KCNIP4: variants seen among roughly 807,000 people sequenced by gnomAD.
KCNIP4 encodes potassium voltage-gated channel interacting protein 4, also known as Kv channel-interacting protein 4.
In KCNIP4, 12 loss-of-function variants were observed where a neutral mutation model predicts 34.0. That is an observed-to-expected ratio of 0.35 (90% CI 0.23 to 0.57). The LOEUF (loss-of-function observed/expected upper bound fraction) is 0.57, where lower values mean the gene tolerates loss of function less well. Among genes scored for constraint, KCNIP4 ranks in the 20% least tolerant of loss-of-function variants. The pLI is 0.83. For synonymous variants in KCNIP4, 124 were observed against 102.2 expected, an observed-to-expected ratio of 1.21 and a Z score of -1.29; for missense variants, 238 against 311.7, an observed-to-expected ratio of 0.76 and a Z score of 1.78.
Position 21,527,346 on chromosome 4 carries a change from G to T in KCNIP4, c.61+421225C>A, listed in dbSNP as rs572024280. Among the ~76,000 whole-genome samples, 5 of 152,178 alleles carry T rather than the reference G, an allele frequency of 3.3e-5. No homozygotes were observed. In the South Asian group the frequency reaches 8.3e-4, roughly 25 times the overall value. ...TTAAAACAAGCAATAAGAAAAAGAT[G>T]AAAGAATCAACAATTCCTACCACAT... is the stretch of plus-strand genomic sequence containing the variant. On this transcript the variant is annotated intron_variant, in intron 1 of 8. Coordinates refer to ENST00000382152, the MANE Select transcript of KCNIP4 (RefSeq NM_025221.6).
At chr4:21,363,112 G>A (rs1292425945) in intron 1 of KCNIP4, among the ~76,000 whole-genome samples, 1 of 152,130 alleles carries the variant, frequency 6.6e-6, no homozygotes, top group Non-Finnish European at 1.5e-5. Flanking sequence ...CCTCAGAGAG[G>A]TTTAGAAACT....
chr4:21,485,803 G>A (rs1475350526), intron 1 of KCNIP4, among the ~76,000 whole-genome samples: 2 of 152,146 alleles, frequency 1.3e-5, no homozygotes, highest in African/African-American at 4.8e-5. Flanking sequence ...TTGAAAGCAA[G>A]GATTGAGTTT....
At chr4:21,641,683 A>G (rs1746628536) in intron 1 of KCNIP4, among the ~76,000 whole-genome samples, 1 of 152,162 alleles carries the variant, frequency 6.6e-6, no homozygotes, top group African/African-American at 2.4e-5. Context: ...GACTTTAATA[A>G]TCACATAGAT....
intron 1 of KCNIP4, among the ~76,000 whole-genome samples, chr4:21,519,191 C>A (rs192901650): frequency 6.6e-6 from 1 of 151,880 alleles, no homozygotes; most frequent in Non-Finnish European, 1.5e-5. Context: ...CTCGTGAATG[C>A]GATTAATGCC....
intron 2 of KCNIP4, among the ~76,000 whole-genome samples, chr4:20,878,804 C>T (rs1481578192): frequency 1.3e-5 from 2 of 152,110 alleles, no homozygotes; most frequent in African/African-American, 2.4e-5. Flanking sequence ...CCACAATGCC[C>T]CTCTTTGCCT....
intron 1 of KCNIP4, among the ~76,000 whole-genome samples, chr4:21,136,271 C>T (rs1196140677): frequency 6.6e-6 from 1 of 152,172 alleles, no homozygotes; most frequent in Admixed American, 6.5e-5. Context: ...TGTTCCCCAC[C>T]TAATGACTTG....
intron 1 of KCNIP4, among the ~76,000 whole-genome samples, chr4:21,577,151 C>G (rs538059159): frequency 6.6e-6 from 1 of 152,194 alleles, no homozygotes; most frequent in Non-Finnish European, 1.5e-5. Flanking sequence ...TTTACTTGGG[C>G]TTGAATATGC....
Position 21,317,795 on chromosome 4 carries a change from A to T in KCNIP4, c.62-435086T>A, listed in dbSNP as rs879802959. ...AGGTCTTTCCCATGCTGTTCTCATG[A>T]TAGTGAATAAGTCCCAGGAGATCTG... On this transcript the variant is annotated intron_variant, in intron 1 of 8. Transcript: ENST00000382152. Among the ~76,000 whole-genome samples, 5 of 152,230 alleles carry T rather than the reference A, an allele frequency of 3.3e-5. No homozygotes were observed. In the South Asian group the frequency reaches 1.0e-3, roughly 32 times the overall value.
At chr4:20,840,324 T>A (rs1237858377) in intron 3 of KCNIP4, among the ~76,000 whole-genome samples, 1 of 152,198 alleles carries the variant, frequency 6.6e-6, no homozygotes, top group Non-Finnish European at 1.5e-5. Context: ...TTGGGTCTTG[T>A]ACATCCCCTA....
At chr4:21,109,844 T>C (rs577878420) in intron 1 of KCNIP4, among the ~76,000 whole-genome samples, 4 of 152,326 alleles carry the variant, frequency 2.6e-5, no homozygotes, top group African/African-American at 9.6e-5. Flanking sequence ...TAGATGCTTT[T>C]AGAAAGTCTC....
chr4:21,657,369 C>T (rs999171383), intron 1 of KCNIP4, among the ~76,000 whole-genome samples: 9 of 152,132 alleles, frequency 5.9e-5, no homozygotes, highest in Non-Finnish European at 1.3e-4. Flanking sequence ...CTGATAGACT[C>T]CCTTTCTTCA....
At chr4:21,029,112 G>A (rs74617241) in intron 1 of KCNIP4, among the ~76,000 whole-genome samples, 21 of 152,160 alleles carry the variant, frequency 1.4e-4, no homozygotes, top group Non-Finnish European at 2.5e-4. Context: ...TTATCTATAC[G>A]TTTAAAATGT....
At position 21,791,084 on chromosome 4, in the gene KCNIP4, G is replaced by A. The variant is rs62302892; in HGVS notation, c.61+157487C>T. ...GGCAATAACAGACTACTCTAGGCTG[G>A]GCAGTTTATTATCAACAGAAATGTA... On this transcript the variant is annotated intron_variant, in intron 1 of 8. Coordinates refer to ENST00000382152, the MANE Select transcript of KCNIP4 (RefSeq NM_025221.6). Among the ~76,000 whole-genome samples the A allele has an allele frequency of 2.1e-3, 318 of 151,998 alleles. 2 individuals carry two copies. The highest frequency in any genetic ancestry group is 3.4e-3 in the Non-Finnish European group (234 of 67,984).
chr4:21,288,325 T>G (rs938770633), intron 1 of KCNIP4, among the ~76,000 whole-genome samples: 5 of 152,158 alleles, frequency 3.3e-5, no homozygotes, highest in African/African-American at 1.2e-4. Flanking sequence ...GATGTATGAT[T>G]AGGCTATAGG....
intron 1 of KCNIP4, among the ~76,000 whole-genome samples, chr4:21,883,828 A>T (rs73116249): frequency 0.038 from 5,749 of 152,184 alleles, 347 homozygotes; most frequent in African/African-American, 0.13. Flanking sequence ...TTGATGAAAC[A>T]ACCTTCAAAT....
chr4:20,853,160 A>G (rs979374167), intron 2 of KCNIP4, among the ~76,000 whole-genome samples: 1 of 152,184 alleles, frequency 6.6e-6, no homozygotes, highest in Non-Finnish European at 1.5e-5. Context: ...ACCAAAAAAG[A>G]GCCCGCATGG....
At chr4:20,929,842 T>A (rs553192075) in intron 1 of KCNIP4, among the ~76,000 whole-genome samples, 6 of 148,464 alleles carry the variant, frequency 4.0e-5, no homozygotes, top group African/African-American at 7.8e-5. Flanking sequence ...TACCGATAAC[T>A]ATAAACCTTT....
intron 1 of KCNIP4, among the ~76,000 whole-genome samples, chr4:20,990,853 C>A (rs559885641): frequency 1.3e-5 from 2 of 152,252 alleles, no homozygotes; most frequent in South Asian, 4.1e-4. Flanking sequence ...ACTGGGCTGG[C>A]TTTAAGGCCG....
intron 1 of KCNIP4, among the ~76,000 whole-genome samples, chr4:20,946,524 T>C (rs1732208603): frequency 6.6e-6 from 1 of 152,156 alleles, no homozygotes; most frequent in African/African-American, 2.4e-5. Context: ...CAGTGGAACG[T>C]CATTGCTAGC....
Sources: allele counts gnomAD v4.1 joint callset (sites outside exome capture counted in the v4.1 genomes callset), GRCh38; gene constraint gnomAD v4.1.1; transcripts MANE v1.5; gene names NCBI Gene and HGNC (gene_info 2026-07-23, HGNC 2026-07-21).